Variants in TBC1D4 observed in about 807,000 individuals in gnomAD.
The protein encoded by TBC1D4 is TBC (Tre-2, BUB2, CDC16) domain-containing protein.
A neutral mutation model predicts 142.5 loss-of-function variants in TBC1D4; 121 were observed. The ratio of observed to expected loss-of-function variants is 0.85; its 90% CI spans 0.73 to 0.99. The LOEUF is 0.99. Ranked by LOEUF, TBC1D4 falls within the 50% of genes least tolerant of loss-of-function variation. The pLI, the probability that TBC1D4 is intolerant of heterozygous loss-of-function variation, is 0.00. For missense variants in TBC1D4, 1,475 were observed against 1,606.6 expected (o/e 0.92, Z 1.40); for synonymous variants, 630 against 628.2 (o/e 1.00, Z -0.04).
At chr13:75,399,616 T>C (rs4334162) in intron 1 of TBC1D4, among the ~76,000 whole-genome samples, 151,570 of 152,332 alleles carry the variant, frequency 0.99, 75,411 homozygotes, top group Middle Eastern at 1. Context: ...CTGAGACTGC[T>C]GGGCATCTTG....
At position 75,349,602 on chromosome 13, in the gene TBC1D4, A is replaced by C. The variant is rs117307125; in HGVS notation, c.1276-300T>G. 6.8e-3 allele frequency among the ~76,000 whole-genome samples: 1,039 copies of C among 152,342 alleles called. 12 individuals carry two copies. Among genetic ancestry groups the C allele is most frequent in the South Asian group, 0.034 (162 of 4,830 alleles). On this transcript the variant is annotated intron_variant, in intron 4 of 20. Coordinates refer to ENST00000377636, the MANE Select transcript of TBC1D4 (RefSeq NM_014832.5). ...CTATGCCGTCACAGAGAGTTTAATT[A>C]GTTAATCCTTCTGTTTAATTATATG...
At chr13:75,430,008 T>G (rs17064441) in intron 1 of TBC1D4, among the ~76,000 whole-genome samples, 14,957 of 152,202 alleles carry the variant, frequency 0.098, 1,232 homozygotes, top group African/African-American at 0.23. Context: ...TGAGCAAGAC[T>G]AGATAAAGGT....
At chr13:75,401,615 A>C (rs1046575808) in intron 1 of TBC1D4, among the ~76,000 whole-genome samples, 5 of 152,254 alleles carry the variant, frequency 3.3e-5, no homozygotes, top group Admixed American at 3.3e-4. Flanking sequence ...TTTAGCAAGA[A>C]TTAACAGAAT....
At position 75,349,201 on chromosome 13, in the gene TBC1D4, G is replaced by A; in HGVS notation, c.1377C>T (p.His459=). ...TCCTTTCACAGAGCTTATGCAAAGA[G>A]TGCATCGGGCAGGCCTCACACAGTT... ...QIKLCEACPM[H]SLHKLCERIE... The change falls in exon 5 of 21, where the codon CAC becomes CAT. Residue 459 remains histidine, a synonymous_variant. Transcript: ENST00000377636. 6.2e-7 allele frequency: 1 copy of A among 1,614,018 alleles called. No individual in the cohort carries two copies. The highest frequency in any genetic ancestry group is 1.6e-4 in the Middle Eastern group (1 of 6,062).
chr13:75,480,027 G>A (rs1004029110), intron 1 of TBC1D4, among the ~76,000 whole-genome samples: 19 of 28,704 alleles, frequency 6.6e-4, no homozygotes, highest in African/African-American at 1.2e-3. Context: ...GCAAGACTCC[G>A]TCTCAAAAAA....
At chr13:75,405,839 G>T (rs1198905390) in intron 1 of TBC1D4, among the ~76,000 whole-genome samples, 2 of 149,926 alleles carry the variant, frequency 1.3e-5, no homozygotes, top group African/African-American at 4.9e-5. Context: ...CCAAAAAAAT[G>T]GAAGTTTGAG....
intron 4 of TBC1D4, among the ~76,000 whole-genome samples, chr13:75,351,650 A>G (rs1160130775): frequency 1.5e-5 from 2 of 137,596 alleles, no homozygotes; most frequent in African/African-American, 5.5e-5. Flanking sequence ...ATTCCCACCT[A>G]TGAGTGAGAA....
At chr13:75,322,665 C>T (rs1878871544) in intron 11 of TBC1D4, among the ~76,000 whole-genome samples, 3 of 152,170 alleles carry the variant, frequency 2.0e-5, no homozygotes, top group Non-Finnish European at 4.4e-5. Context: ...AGGAAGGAAA[C>T]TGGGATTCTC....
chr13:75,468,054 T>C (rs886152347), intron 1 of TBC1D4, among the ~76,000 whole-genome samples: 3 of 152,190 alleles, frequency 2.0e-5, no homozygotes, highest in African/African-American at 7.2e-5. Context: ...AAACAACTCT[T>C]AGCCCTGCCC....
At chr13:75,294,480 G>A (rs1016346565) in intron 18 of TBC1D4, among the ~76,000 whole-genome samples, 4 of 152,206 alleles carry the variant, frequency 2.6e-5, no homozygotes, top group African/African-American at 9.6e-5. Flanking sequence ...TGTTTTGAAT[G>A]CAAGATGAAG....
At chr13:75,397,859 G>C (rs1423729871) in intron 1 of TBC1D4, among the ~76,000 whole-genome samples, 1 of 152,138 alleles carries the variant, frequency 6.6e-6, no homozygotes, top group Non-Finnish European at 1.5e-5. Context: ...CTGCTTCCCT[G>C]GTTAGGTGGC....
chr13:75,457,225 C>T (rs1284313919), intron 1 of TBC1D4, among the ~76,000 whole-genome samples: 1 of 152,102 alleles, frequency 6.6e-6, no homozygotes, highest in Non-Finnish European at 1.5e-5. Flanking sequence ...TATTATACAT[C>T]AATTTAAGAT....
chr13:75,450,268 G>C (rs1010057816), intron 1 of TBC1D4, among the ~76,000 whole-genome samples: 1 of 151,938 alleles, frequency 6.6e-6, no homozygotes, highest in Non-Finnish European at 1.5e-5. Context: ...ATTATGATGC[G>C]GTGTCAGAAT....
In TBC1D4 at chr13:75,341,148, C is replaced by CGT; in HGVS notation, c.1586_1587dup (p.Val530ThrfsTer31). 1 of 1,613,230 alleles carries CGT rather than the reference C, an allele frequency of 6.2e-7. No individual in the cohort carries two copies. The highest frequency in any genetic ancestry group is 1.1e-5 in the South Asian group (1 of 90,990). On this transcript the variant is annotated frameshift_variant, in exon 7 of 21. Coordinates refer to ENST00000377636, the MANE Select transcript of TBC1D4 (RefSeq NM_014832.5). LOFTEE classifies it high-confidence loss of function. ...ACAGAAGGGCCTTCCCCGATGTGCA[C>CGT]GTGTGTCTTCTGCTTGGCTTCACAC...
intron 12 of TBC1D4, among the ~76,000 whole-genome samples, chr13:75,314,812 C>CAA (rs71201174): frequency 3.3e-5 from 4 of 120,130 alleles, no homozygotes; most frequent in African/African-American, 9.8e-5. Flanking sequence ...ACTAAAAATA[C>CAA]AAAAAAAAAA....
Position 75,481,881 on chromosome 13 carries a change from T to C in TBC1D4, c.-114A>G, listed in dbSNP as rs1566524320. On this transcript the variant is annotated 5_prime_UTR_variant, in exon 1 of 21. Transcript: ENST00000377636. Reference sequence around the variant, plus strand: ...AACTGCCGCACCGGGCTCCCGCGCCTGCCTGGGAGCGGCGCGACCCCGAAC... The same window carrying C: ...AACTGCCGCACCGGGCTCCCGCGCCCGCCTGGGAGCGGCGCGACCCCGAAC... 1.5e-6 allele frequency: 2 copies of C among 1,349,266 alleles called. No individual in the cohort carries two copies. Among genetic ancestry groups the C allele is most frequent in the East Asian group, 5.9e-5 (2 of 34,138 alleles). The allele number at this position is 1,349,266 out of a possible 1,614,324, so 83.6% of individuals were successfully genotyped here. A position where few individuals can be genotyped will look rare whatever the true frequency, so the allele number is the denominator to read the frequency against.
chr13:75,411,472 A>G (rs146245248), intron 1 of TBC1D4, among the ~76,000 whole-genome samples: 11 of 152,302 alleles, frequency 7.2e-5, no homozygotes, highest in African/African-American at 2.6e-4. Flanking sequence ...AAATGGTTCT[A>G]TGAAGCTGTA....
intron 1 of TBC1D4, among the ~76,000 whole-genome samples, chr13:75,403,794 C>T (rs556043094): frequency 6.6e-6 from 1 of 152,184 alleles, no homozygotes; most frequent in East Asian, 1.9e-4. Flanking sequence ...CTCAAGAAAA[C>T]TCACAAGAAA....
At chr13:75,318,173 T>C (rs990377719) in intron 12 of TBC1D4, among the ~76,000 whole-genome samples, 1 of 152,232 alleles carries the variant, frequency 6.6e-6, no homozygotes, top group Non-Finnish European at 1.5e-5. Context: ...TTAAGAAGGA[T>C]GTAGTCATAT....
Sources: gnomAD v4.1 joint callset for allele counts (sites outside exome capture counted in the v4.1 genomes callset) on GRCh38, gnomAD v4.1.1 for gene constraint, MANE v1.5 for transcripts, NCBI Gene and HGNC (gene_info 2026-07-23, HGNC 2026-07-21) for gene names.